EXOC4: variants seen among roughly 807,000 people sequenced by gnomAD.
The protein encoded by EXOC4 is exocyst complex component 4.
Under a neutral mutation model 107.2 loss-of-function variants are expected in EXOC4, and 71 were observed. The ratio of observed to expected loss-of-function variants is 0.66; its 90% CI spans 0.55 to 0.81. EXOC4 has a LOEUF of 0.81. Ranked by LOEUF, EXOC4 falls within the 30% of genes least tolerant of loss-of-function variation. EXOC4 has a pLI of 0.00. For synonymous variants in EXOC4, 456 were observed against 441.2 expected (o/e 1.03, Z -0.42); for missense variants, 1,108 against 1,189.6 (o/e 0.93, Z 1.01).
At chr7:133,320,495 C>G (rs73148924) in intron 5 of EXOC4, among the ~76,000 whole-genome samples, 1 of 151,942 alleles carries the variant, frequency 6.6e-6, no homozygotes, top group Non-Finnish European at 1.5e-5. Context: ...TTTAAGGACT[C>G]GTGATTAGAT....
chr7:133,856,458 C>T (rs143010853), intron 11 of EXOC4, among the ~76,000 whole-genome samples: 1 of 152,362 alleles, frequency 6.6e-6, no homozygotes, highest in East Asian at 1.9e-4. Flanking sequence ...TGCCTGTTTA[C>T]TTCTCTCACT....
intron 7 of EXOC4, among the ~76,000 whole-genome samples, chr7:133,456,832 G>T (rs1166697022): frequency 6.6e-6 from 1 of 152,162 alleles, no homozygotes; most frequent in Non-Finnish European, 1.5e-5. Context: ...TGCTGTTTAA[G>T]CTAATAAAGG....
chr7:133,440,032 A>G (rs1798069974), intron 7 of EXOC4, among the ~76,000 whole-genome samples: 1 of 152,180 alleles, frequency 6.6e-6, no homozygotes, highest in Non-Finnish European at 1.5e-5. Context: ...AAAGGCATTA[A>G]AAAAATAAAT....
rs58603369 is a variant in EXOC4 at position 134,011,785 on chromosome 7, T to TAA, written c.2687+3964_2687+3965dup. 6.7e-3 allele frequency among the ~76,000 whole-genome samples: 925 copies of TAA among 138,270 alleles called. 6 individuals carry two copies. Among genetic ancestry groups the TAA allele is most frequent in the African/African-American group, 0.023 (858 of 37,812 alleles). 90.7% of individuals were successfully genotyped at this position (138,270 alleles called of 152,430 possible). A position where few individuals can be genotyped will look rare whatever the true frequency, so the allele number is the denominator to read the frequency against. Reference sequence around the variant, plus strand: ...TTCAGATGATAATATATGCTGTAGTTAAAAAAAAAAAAAAAGAGTAGGCAT... The same window carrying TAA: ...TTCAGATGATAATATATGCTGTAGTTAAAAAAAAAAAAAAAAAGAGTAGGCAT... On this transcript the variant is annotated intron_variant, in intron 17 of 17. Transcript: ENST00000253861.
At chr7:133,711,802 A>G (rs770761518) in intron 10 of EXOC4, among the ~76,000 whole-genome samples, 33 of 151,996 alleles carry the variant, frequency 2.2e-4, no homozygotes, top group Non-Finnish European at 2.2e-4. Context: ...TATTATTGTC[A>G]TTTCCTGACT....
chr7:133,514,211 C>A (rs1333543133), intron 9 of EXOC4, among the ~76,000 whole-genome samples: 3 of 151,678 alleles, frequency 2.0e-5, no homozygotes, highest in African/African-American at 7.3e-5. Flanking sequence ...GTCGCCCAGG[C>A]TGGAGTGCAT....
intron 10 of EXOC4, among the ~76,000 whole-genome samples, chr7:133,681,297 C>T (rs1395769904): frequency 1.3e-5 from 2 of 152,236 alleles, no homozygotes; most frequent in Middle Eastern, 3.4e-3. Flanking sequence ...AAGTCTCTGT[C>T]GTGTTTCTCA....
intron 11 of EXOC4, among the ~76,000 whole-genome samples, chr7:133,827,339 T>C (rs188088835): frequency 2.6e-5 from 4 of 152,308 alleles, no homozygotes; most frequent in East Asian, 1.9e-4. Context: ...CATTAACTTA[T>C]TGTCTTACCT....
intron 9 of EXOC4, among the ~76,000 whole-genome samples, chr7:133,535,589 A>G (rs901118757): frequency 6.6e-6 from 1 of 152,218 alleles, no homozygotes; most frequent in African/African-American, 2.4e-5. Context: ...GCAGACCAAG[A>G]GCAGCCTGAG....
At chr7:133,490,715 G>C (rs1799355945) in intron 9 of EXOC4, among the ~76,000 whole-genome samples, 1 of 152,166 alleles carries the variant, frequency 6.6e-6, no homozygotes, top group Non-Finnish European at 1.5e-5. Context: ...GTTCATCCTA[G>C]TAAGAGATTA....
chr7:134,023,165 C>T (rs182249600), intron 17 of EXOC4, among the ~76,000 whole-genome samples: 2 of 152,154 alleles, frequency 1.3e-5, no homozygotes, highest in East Asian at 3.9e-4. Flanking sequence ...GATGTTTGCC[C>T]GAGTCTAGAA....
At chr7:133,682,047 C>G (rs533876871) in intron 10 of EXOC4, among the ~76,000 whole-genome samples, 1 of 151,946 alleles carries the variant, frequency 6.6e-6, no homozygotes, top group Admixed American at 6.6e-5. Context: ...ACCACAGGCA[C>G]GTATAACCAT....
chr7:133,280,125 T>C (rs563978246), intron 2 of EXOC4, among the ~76,000 whole-genome samples: 1 of 152,148 alleles, frequency 6.6e-6, no homozygotes, highest in Non-Finnish European at 1.5e-5. Flanking sequence ...GCCTAGCTAA[T>C]TTAAAAAAAT....
chr7:133,823,844 TATATATATATATATATATATATATATA>T (rs1797591434), intron 11 of EXOC4, among the ~76,000 whole-genome samples: 16 of 1,546 alleles, frequency 0.01, 1 homozygote, highest in African/African-American at 0.021. Context: ...ATATATATAT[TATATATATATATATATATATATATATA>T]TTATATATAT....
intron 4 of EXOC4, among the ~76,000 whole-genome samples, chr7:133,307,546 T>G (rs1794781093): frequency 6.6e-6 from 1 of 152,158 alleles, no homozygotes; most frequent in Non-Finnish European, 1.5e-5. Context: ...TTAAAAAAAT[T>G]TCTGTAAAGC....
chr7:133,622,418 C>T (rs1251793403), intron 9 of EXOC4, among the ~76,000 whole-genome samples: 2 of 152,018 alleles, frequency 1.3e-5, no homozygotes, highest in African/African-American at 4.8e-5. Flanking sequence ...TTTTGACATC[C>T]AGGGAGCTCT....
intron 14 of EXOC4, among the ~76,000 whole-genome samples, chr7:133,951,898 C>T (rs1270400364): frequency 1.3e-5 from 2 of 152,182 alleles, no homozygotes; most frequent in African/African-American, 4.8e-5. Flanking sequence ...CAGTGGCTCA[C>T]GCCTGAATCC....
rs573139852 is a variant in EXOC4, at chr7:133,447,996, G to A, written c.1183-27332G>A. Among the ~76,000 whole-genome samples the A allele has an allele frequency of 1.6e-3, 240 of 152,272 alleles. 3 individuals are homozygous for A. The Middle Eastern group carries it at 0.027, about 17-fold the overall frequency. ...TATTTAGTAGTTGTCATGGAATATT[G>A]TCCCAAATGTGTTTAAAATAGTTGA... On this transcript the variant is annotated intron_variant, in intron 7 of 17. Coordinates refer to ENST00000253861, the MANE Select transcript of EXOC4 (RefSeq NM_021807.4).
At chr7:133,857,170 A>T (rs13310043) in intron 11 of EXOC4, among the ~76,000 whole-genome samples, 4 of 15,762 alleles carry the variant, frequency 2.5e-4, no homozygotes, top group Admixed American at 7.5e-4. Context: ...ATATATATAT[A>T]TATATATATA....
Sources: gnomAD v4.1 joint callset for allele counts (sites outside exome capture counted in the v4.1 genomes callset) on GRCh38, gnomAD v4.1.1 for gene constraint, MANE v1.5 for transcripts, NCBI Gene and HGNC (gene_info 2026-07-23, HGNC 2026-07-21) for gene names.